Variants in ABCA12 observed in about 807,000 individuals in gnomAD.
ABCA12 encodes ATP binding cassette subfamily A member 12, also known as glucosylceramide transporter ABCA12.
ABCA12 carries 156 observed loss-of-function variants against 293.5 expected under a neutral mutation model. That is an observed-to-expected ratio of 0.53 (90% CI 0.47 to 0.61). The LOEUF (loss-of-function observed/expected upper bound fraction) is 0.61. Among genes scored for constraint, ABCA12 ranks in the 20% least tolerant of loss-of-function variants. The pLI is 0.00. For missense variants in ABCA12, 2,797 were observed against 3,090.2 expected (o/e 0.91, Z 2.25); for synonymous variants, 1,063 against 1,108.0 (o/e 0.96, Z 0.81).
At chr2:214,952,369 T>C (rs10153865) in intron 44 of ABCA12, among the ~76,000 whole-genome samples, 4,641 of 152,106 alleles carry the variant, frequency 0.031, 241 homozygotes, top group African/African-American at 0.11. Flanking sequence ...TACAGGTGCG[T>C]GCCATCACGT....
In ABCA12 at chr2:215,044,688, AG is replaced by A. The variant is rs1701166521; in HGVS notation, c.872+1148del. ...CCTGGCTTTGCCATGTACTAACTGT[AG>A]AACCTTGGGGAAGCCATTTGACCTC... is the stretch of plus-strand genomic sequence containing the variant. On this transcript the variant is annotated intron_variant, in intron 7 of 52. Transcript: ENST00000272895. 4.6e-5 allele frequency among the ~76,000 whole-genome samples: 7 copies of A among 152,320 alleles called. No homozygotes were observed. The South Asian group carries it at 1.5e-3, about 32-fold the overall frequency.
At position 215,109,022 on chromosome 2, in the gene ABCA12, G is replaced by A. The variant is rs141456825; in HGVS notation, c.163+2575C>T. On this transcript the variant is annotated intron_variant, in intron 2 of 52. Coordinates refer to ENST00000272895, the MANE Select transcript of ABCA12 (RefSeq NM_173076.3). ...GCAGAGGTGGCAGCGAGCCGAGATC[G>A]CACCACTGTACTCTAGCCTGGGCGA... 8.1e-3 allele frequency among the ~76,000 whole-genome samples: 1,228 copies of A among 151,404 alleles called. 16 individuals are homozygous for A. The highest frequency in any genetic ancestry group is 0.028 in the African/African-American group (1,135 of 41,204).
At chr2:214,948,342 C>T (rs1161113512) in intron 47 of ABCA12, among the ~76,000 whole-genome samples, 1 of 152,172 alleles carries the variant, frequency 6.6e-6, no homozygotes, top group Non-Finnish European at 1.5e-5. Context: ...TTTGACAGTT[C>T]TTAAAAGGGT....
intron 33 of ABCA12, among the ~76,000 whole-genome samples, chr2:214,976,868 T>A (rs1017319154): frequency 1.3e-5 from 2 of 152,016 alleles, no homozygotes; most frequent in Non-Finnish European, 2.9e-5. Context: ...AAAAACAGGT[T>A]CAAATATAGC....
intron 2 of ABCA12, among the ~76,000 whole-genome samples, chr2:215,092,029 C>T (rs375480428): frequency 9.5e-4 from 144 of 152,376 alleles, no homozygotes; most frequent in South Asian, 6.8e-3. Flanking sequence ...CTCTGACTGA[C>T]TCCTTCCCAG....
chr2:214,967,190 A>G (rs1699281532), intron 38 of ABCA12, among the ~76,000 whole-genome samples: 1 of 152,144 alleles, frequency 6.6e-6, no homozygotes, highest in African/African-American at 2.4e-5. Context: ...GCACTAAATT[A>G]TTAGTTATTC....
chr2:215,066,940 T>C (rs1403185054), intron 2 of ABCA12, among the ~76,000 whole-genome samples: 1 of 152,172 alleles, frequency 6.6e-6, no homozygotes, highest in Non-Finnish European at 1.5e-5. Context: ...TAACATTTAC[T>C]TATGTTATTC....
intron 3 of ABCA12, among the ~76,000 whole-genome samples, chr2:215,062,245 C>T (rs769717517): frequency 6.6e-6 from 1 of 152,022 alleles, no homozygotes; most frequent in Non-Finnish European, 1.5e-5. Flanking sequence ...ATTCATCACT[C>T]ACTTAGTGAC....
intron 9 of ABCA12, among the ~76,000 whole-genome samples, chr2:215,027,355 G>GAA (rs141112746): frequency 6.6e-6 from 1 of 151,394 alleles, no homozygotes; most frequent in Admixed American, 6.6e-5. Flanking sequence ...CAAAAAAAAA[G>GAA]AAAAAAAAGA....
intron 1 of ABCA12, among the ~76,000 whole-genome samples, chr2:215,117,301 C>T (rs1440923375): frequency 6.6e-6 from 1 of 152,142 alleles, no homozygotes; most frequent in Non-Finnish European, 1.5e-5. Context: ...TATCCTGTTG[C>T]ATGCAAGTGT....
intron 8 of ABCA12, 200 bp from the exon 9 acceptor site, chr2:215,032,096 C>T: frequency 7.0e-7 from 1 of 1,437,680 alleles, no homozygotes; most frequent in Non-Finnish European, 9.1e-7. Flanking sequence ...TAGATGCCTA[C>T]TGATCAAAAT....
At chr2:215,036,559 T>C (rs1700999039) in intron 8 of ABCA12, among the ~76,000 whole-genome samples, 1 of 152,202 alleles carries the variant, frequency 6.6e-6, no homozygotes, top group Non-Finnish European at 1.5e-5. Flanking sequence ...CAACATGTTA[T>C]ACCTTGTCTT....
intron 15 of ABCA12, chr2:215,013,090 C>T (rs1285040863): frequency 1.3e-5 from 2 of 152,074 alleles, no homozygotes; most frequent in Non-Finnish European, 2.9e-5. Flanking sequence ...GTTCCCAGCA[C>T]TGGGTGAGGT....
At chr2:215,007,928 T>C in intron 18 of ABCA12, 82 bp from the exon 19 acceptor site, 1 of 1,559,446 alleles carries the variant, frequency 6.4e-7, no homozygotes, top group East Asian at 2.3e-5. Flanking sequence ...ATTGTTTTGT[T>C]ACGTAACTTC....
chr2:215,111,431 A>T (rs1269158164), intron 2 of ABCA12, among the ~76,000 whole-genome samples, 166 bp downstream of exon 2: 14 of 152,226 alleles, frequency 9.2e-5, no homozygotes, highest in Admixed American at 9.2e-4. Flanking sequence ...CTTTCTGACT[A>T]ACTTGAAAAT....
chr2:215,066,728 C>CA (rs1701646480), intron 2 of ABCA12, among the ~76,000 whole-genome samples: 1 of 152,078 alleles, frequency 6.6e-6, no homozygotes, highest in South Asian at 2.1e-4. Context: ...TGGGATCGTG[C>CA]AAATGAGGAA....
chr2:215,111,969 A>G (rs565191265), intron 1 of ABCA12, among the ~76,000 whole-genome samples: 17 of 152,296 alleles, frequency 1.1e-4, no homozygotes, highest in Non-Finnish European at 1.9e-4. Context: ...TCATCATTAT[A>G]TTAAAATTAA....
intron 1 of ABCA12, among the ~76,000 whole-genome samples, chr2:215,127,002 G>A (rs562863470): frequency 6.6e-6 from 1 of 151,872 alleles, no homozygotes; most frequent in African/African-American, 2.4e-5. Context: ...CATTATTGTT[G>A]TTGAGTTCGA....
chr2:215,001,349 T>C (rs1415370358), intron 21 of ABCA12, among the ~76,000 whole-genome samples: 1 of 152,230 alleles, frequency 6.6e-6, no homozygotes. Context: ...GTAATCCTTT[T>C]CAATCTTAAT....
Sources: gnomAD v4.1 joint callset for allele counts (sites outside exome capture counted in the v4.1 genomes callset) on GRCh38, gnomAD v4.1.1 for gene constraint, MANE v1.5 for transcripts, NCBI Gene and HGNC (gene_info 2026-07-23, HGNC 2026-07-21) for gene names.